Variants in MXD1 observed in about 807,000 individuals in gnomAD.
The protein encoded by MXD1 is MAX dimerization protein 1, also known as MAX-binding protein.
A neutral mutation model predicts 25.7 loss-of-function variants in MXD1; 9 were observed. That is an observed-to-expected ratio of 0.35 (90% CI 0.21 to 0.61). MXD1 has a LOEUF of 0.61. Among genes scored for constraint, MXD1 ranks in the 20% least tolerant of loss-of-function variants. MXD1 has a pLI of 0.75. For missense variants in MXD1, 227 were observed against 292.4 expected (o/e 0.78, Z 1.63); for synonymous variants, 99 against 113.9 (o/e 0.87, Z 0.83).
At chr2:69,932,722 A>G (rs1677320207) in intron 3 of MXD1, among the ~76,000 whole-genome samples, 1 of 152,196 alleles carries the variant, frequency 6.6e-6, no homozygotes, top group African/African-American at 2.4e-5. Flanking sequence ...AGAAATGACA[A>G]TGCATCAAAA....
Position 69,918,983 on chromosome 2 carries a change from C to T in MXD1, c.174-2753C>T, listed in dbSNP as rs182978719. Reference sequence around the variant, plus strand: ...TAGATGCACTTCAGTAATGCTCTAGCCATTAAGTACAAGTCCCCCTTTAAA... The same window carrying T: ...TAGATGCACTTCAGTAATGCTCTAGTCATTAAGTACAAGTCCCCCTTTAAA... On this transcript the variant is annotated intron_variant, in intron 2 of 5. Transcript: ENST00000264444. Among the ~76,000 whole-genome samples the T allele has an allele frequency of 4.1e-3, 621 of 152,214 alleles. 1 individual carries two copies. Among genetic ancestry groups the T allele is most frequent in the Non-Finnish European group, 5.4e-3 (365 of 68,026 alleles).
At position 69,941,802 on chromosome 2, in the gene MXD1, T is replaced by C. The variant is rs144349080; in HGVS notation, c.*3518T>C. The C allele has an allele frequency of 8.0e-4, 122 of 152,190 alleles. No individual in the cohort carries two copies. Among genetic ancestry groups the C allele is most frequent in the African/African-American group, 2.9e-3 (119 of 41,496 alleles). 9.4% of individuals were successfully genotyped at this position (152,190 alleles called of 1,614,324 possible). On this transcript the variant is annotated 3_prime_UTR_variant, in exon 6 of 6. Coordinates refer to ENST00000264444, the MANE Select transcript of MXD1 (RefSeq NM_002357.4). ...TTGAGAATAGATTTTGTGGGCTTATTTCTTCTTGCCTCTTCCCCATCCTTT... is the reference window on the plus strand; with the variant it reads ...TTGAGAATAGATTTTGTGGGCTTATCTCTTCTTGCCTCTTCCCCATCCTTT...
chr2:69,934,216 A>G (rs1318546389), intron 3 of MXD1, among the ~76,000 whole-genome samples: 2 of 152,180 alleles, frequency 1.3e-5, no homozygotes, highest in Non-Finnish European at 2.9e-5. Context: ...AATAATATAA[A>G]CAGTTAAGTG....
At chr2:69,921,682 G>T in intron 2 of MXD1, 54 bp from the exon 3 acceptor site, 1 of 1,517,060 alleles carries the variant, frequency 6.6e-7, no homozygotes, top group Non-Finnish European at 9.0e-7. Context: ...TGGTGTTGAA[G>T]TAGTTCTTTA....
At position 69,935,459 on chromosome 2, in the gene MXD1, C is replaced by T; in HGVS notation, c.312C>T (p.His104=). Residue 104 remains histidine (H), a synonymous_variant, in exon 4 of 6, where the codon CAC becomes CAT. Coordinates refer to ENST00000264444, the MANE Select transcript of MXD1 (RefSeq NM_002357.4). ...GTTTATTAACAAAAGCCAAATTGCA[C>T]ATAAAGGTAAGTGTATTGTTGGGAT... The part of the protein sequence containing the change: ...TLSLLTKAKL[H]IKKLEDCDRK... The T allele has an allele frequency of 6.2e-7, 1 of 1,607,988 alleles. No homozygotes were observed. Among genetic ancestry groups the T allele is most frequent in the Non-Finnish European group, 8.5e-7 (1 of 1,174,470 alleles).
At position 69,926,110 on chromosome 2, in the gene MXD1, A is replaced by C. The variant is rs1403493697; in HGVS notation, c.203+4345A>C. Among the ~76,000 whole-genome samples the C allele has an allele frequency of 1.3e-5, 2 of 152,168 alleles. 1 individual carries two copies. The highest frequency in any genetic ancestry group is 1.3e-4 in the Admixed American group (2 of 15,268). On this transcript the variant is annotated intron_variant, in intron 3 of 5. Transcript: ENST00000264444. Reference sequence around the variant, plus strand: ...ATTTATCTTTTTCTTTATTTTAAAAAGTTTCCATAATATAAAGGACATATA... The same window carrying C: ...ATTTATCTTTTTCTTTATTTTAAAACGTTTCCATAATATAAAGGACATATA...
Position 69,917,651 on chromosome 2 carries a change from T to C in MXD1, c.173+1431T>C, listed in dbSNP as rs970869881. On this transcript the variant is annotated intron_variant, in intron 2 of 5. Transcript: ENST00000264444. ...TTAATACCTTAACACTTTGTTTTTT[T>C]CCTTAGTTTCACAGGAAGGTTGTAG... 2.0e-5 allele frequency among the ~76,000 whole-genome samples: 3 copies of C among 152,188 alleles called. No homozygotes were observed. In the East Asian group the frequency reaches 5.8e-4, roughly 29 times the overall value.
intron 3 of MXD1, among the ~76,000 whole-genome samples, chr2:69,929,148 C>T (rs1024509123): frequency 6.6e-6 from 1 of 152,224 alleles, no homozygotes; most frequent in Non-Finnish European, 1.5e-5. Flanking sequence ...CCTCCTCGGC[C>T]TCCGAAAGTG....
Position 69,915,141 on chromosome 2 carries a change from G to T in MXD1, c.-190G>T. 2.3e-6 allele frequency: 1 copy of T among 426,272 alleles called. No homozygotes were observed. Among genetic ancestry groups the T allele is most frequent in the Non-Finnish European group, 4.0e-6 (1 of 248,452 alleles). The allele number at this position is 426,272 out of a possible 1,614,324, so 26.4% of individuals were successfully genotyped here. On this transcript the variant is annotated 5_prime_UTR_variant, in exon 1 of 6. Coordinates refer to ENST00000264444, the MANE Select transcript of MXD1 (RefSeq NM_002357.4). The surrounding 1 kb of genome is among the most constrained non-coding windows in gnomAD (Gnocchi z 5.8). The stretch of plus-strand genomic sequence containing the variant: ...TCCGGGTTCTGTCACTGTGTCGGCG[G>T]TGCCCAGCTCACTGGCCCCCTCCCT...
At chr2:69,917,509 G>A (rs1456422165) in intron 2 of MXD1, among the ~76,000 whole-genome samples, 1 of 152,020 alleles carries the variant, frequency 6.6e-6, no homozygotes, top group Non-Finnish European at 1.5e-5. Flanking sequence ...TTTTAATTTT[G>A]TTTAGAAGAA....
At chr2:69,920,508 C>G (rs1279093570) in intron 2 of MXD1, among the ~76,000 whole-genome samples, 2 of 152,134 alleles carry the variant, frequency 1.3e-5, no homozygotes, top group South Asian at 2.1e-4. Context: ...GCTGCCATCC[C>G]CCCACATTCA....
intron 2 of MXD1, among the ~76,000 whole-genome samples, chr2:69,920,150 G>A (rs531673092): frequency 2.0e-5 from 3 of 152,152 alleles, no homozygotes; most frequent in Admixed American, 6.5e-5. Flanking sequence ...CACCACGCCC[G>A]GCTAATTTTT....
chr2:69,920,411 A>T (rs2104164941), intron 2 of MXD1, among the ~76,000 whole-genome samples: 1 of 152,316 alleles, frequency 6.6e-6, no homozygotes, highest in South Asian at 2.1e-4. Flanking sequence ...TTCTTCGTGA[A>T]TAAAAATTGA....
At chr2:69,935,283 C>G in intron 3 of MXD1, 68 bp from the exon 4 acceptor site, 2 of 1,118,220 alleles carry the variant, frequency 1.8e-6, no homozygotes, top group Non-Finnish European at 2.7e-6. Context: ...TTTGAGAACT[C>G]ATTCTGCCTG....
chr2:69,935,444 A>C lies in MXD1; in HGVS notation c.297A>C (p.Thr99=). ...GACACACTACGTTGAGTTTATTAAC[A>C]AAAGCCAAATTGCACATAAAGGTAA... ...SSRHTTLSLL[T]KAKLHIKKLE... Residue 99 remains threonine, a synonymous_variant, in exon 4 of 6, where the codon ACA becomes ACC. Coordinates refer to ENST00000264444, the MANE Select transcript of MXD1 (RefSeq NM_002357.4). 3 of 1,613,612 alleles carry C rather than the reference A, an allele frequency of 1.9e-6. No homozygotes were observed. Among genetic ancestry groups the C allele is most frequent in the South Asian group, 2.2e-5 (2 of 91,070 alleles).
chr2:69,929,958 ATTC>A (rs1488335933), intron 3 of MXD1, among the ~76,000 whole-genome samples: 1 of 152,184 alleles, frequency 6.6e-6, no homozygotes, highest in South Asian at 2.1e-4. Flanking sequence ...CCTCCTCATT[ATTC>A]TTCTTATTCA....
rs1363843428 is a variant in MXD1, at chr2:69,915,250, C to G, written c.-81C>G. 4.0e-5 allele frequency: 49 copies of G among 1,222,364 alleles called. No homozygotes were observed. The highest frequency in any genetic ancestry group is 5.0e-5 in the Non-Finnish European group (48 of 953,272). The allele number at this position is 1,222,364 out of a possible 1,614,324, so 75.7% of individuals were successfully genotyped here. ...GCGGGCTCCACAGCGGGCTCCATAGCGGGCTCCACAGCGGTCCGGCGGCGG... is the reference window on the plus strand; with the variant it reads ...GCGGGCTCCACAGCGGGCTCCATAGGGGGCTCCACAGCGGTCCGGCGGCGG... On this transcript the variant is annotated 5_prime_UTR_variant, in exon 1 of 6. Coordinates refer to ENST00000264444, the MANE Select transcript of MXD1 (RefSeq NM_002357.4). The surrounding 1 kb of genome is among the most constrained non-coding windows in gnomAD (Gnocchi z 5.8).
chr2:69,936,328 C>T (rs1677437469), intron 4 of MXD1, among the ~76,000 whole-genome samples: 1 of 152,056 alleles, frequency 6.6e-6, no homozygotes, highest in Admixed American at 6.5e-5. Context: ...AGACTATACA[C>T]CCCACGAGGG....
chr2:69,929,252 A>G (rs1297977515), intron 3 of MXD1, among the ~76,000 whole-genome samples: 2 of 152,180 alleles, frequency 1.3e-5, no homozygotes, highest in African/African-American at 2.4e-5. Context: ...TCCTTCAAAC[A>G]CACACACATA....
Sources: gnomAD v4.1 joint callset for allele counts (sites outside exome capture counted in the v4.1 genomes callset) on GRCh38, gnomAD v4.1.1 for gene constraint, Gnocchi (gnomAD v3.1) non-coding constraint, MANE v1.5 for transcripts, NCBI Gene and HGNC (gene_info 2026-07-23, HGNC 2026-07-21) for gene names.